The following DLC1 variants were observed in gnomAD, a reference collection of about 807,000 sequenced individuals.
DLC1 encodes DLC1 Rho GTPase activating protein.
DLC1 carries 54 observed loss-of-function variants against 140.3 expected under a neutral mutation model. The observed-to-expected ratio is 0.38, with a 90% CI of 0.31 to 0.48. The LOEUF is 0.48. Ranked by LOEUF, DLC1 falls within the 20% of genes least tolerant of loss-of-function variation. The pLI, the probability that DLC1 is intolerant of heterozygous loss-of-function variation, is 0.96. For synonymous variants in DLC1, 986 were observed against 728.1 expected, an observed-to-expected ratio of 1.35 and a Z score of -5.70; for missense variants, 2,536 against 1,907.0, an observed-to-expected ratio of 1.33 and a Z score of -6.14.
At chr8:13,459,549 T>C (rs1281386147) in intron 2 of DLC1, among the ~76,000 whole-genome samples, 1 of 152,232 alleles carries the variant, frequency 6.6e-6, no homozygotes, top group African/African-American at 2.4e-5. Flanking sequence ...TCTCTGTTCA[T>C]TGGAACTGCG....
Position 13,530,622 on chromosome 8 carries a change from C to G in DLC1, c.-125-30426G>C, listed in dbSNP as rs914587732. On this transcript the variant is annotated intron_variant, in intron 1 of 1. Coordinates refer to the DLC1 transcript ENST00000631382. ...TTAAACCATGAAACTCTGGGTGTAA[C>G]CTAACAGAACCTGGCAGGTTGTCTG... Among the ~76,000 whole-genome samples, 4 of 152,230 alleles carry G rather than the reference C, an allele frequency of 2.6e-5. No individual in the cohort carries two copies. The South Asian group carries it at 6.2e-4, about 24-fold the overall frequency.
At chr8:13,381,121 C>G (rs747025955) in intron 4 of DLC1, among the ~76,000 whole-genome samples, 3 of 152,008 alleles carry the variant, frequency 2.0e-5, no homozygotes, top group African/African-American at 4.8e-5. Flanking sequence ...TGGTAACAAG[C>G]CAGAGGAGGT....
chr8:13,239,440 G>C (rs1295843936), intron 5 of DLC1, among the ~76,000 whole-genome samples: 1 of 152,088 alleles, frequency 6.6e-6, no homozygotes, highest in African/African-American at 2.4e-5. Flanking sequence ...AGGCAAGCCT[G>C]GACTAGGGTT....
At chr8:13,447,231 C>G (rs2116950102) in intron 2 of DLC1, among the ~76,000 whole-genome samples, 1 of 152,252 alleles carries the variant, frequency 6.6e-6, no homozygotes, top group South Asian at 2.1e-4. Context: ...CCTTGGCAGT[C>G]TACTCATTTC....
chr8:13,162,560 C>T (rs537195467), intron 5 of DLC1, among the ~76,000 whole-genome samples: 33 of 152,242 alleles, frequency 2.2e-4, no homozygotes, highest in African/African-American at 7.5e-4. Context: ...TGACCTCAGG[C>T]GATCTCCCCG....
At chr8:13,412,041 T>C (rs1218855592) in intron 2 of DLC1, among the ~76,000 whole-genome samples, 2 of 152,132 alleles carry the variant, frequency 1.3e-5, no homozygotes, top group East Asian at 3.9e-4. Context: ...AAAGAAAAGA[T>C]TGATAAATGT....
chr8:13,212,875 T>C (rs1435368980), intron 5 of DLC1, among the ~76,000 whole-genome samples: 1 of 152,246 alleles, frequency 6.6e-6, no homozygotes, highest in African/African-American at 2.4e-5. Flanking sequence ...TGTTTGTTTC[T>C]AGCTTAAGCT....
At chr8:13,348,264 T>A (rs1834459409) in intron 4 of DLC1, among the ~76,000 whole-genome samples, 1 of 152,138 alleles carries the variant, frequency 6.6e-6, no homozygotes, top group African/African-American at 2.4e-5. Flanking sequence ...GGTTGAAGGT[T>A]GGGCATGAGA....
intron 1 of DLC1, among the ~76,000 whole-genome samples, chr8:13,576,548 T>C (rs141870528): frequency 6.6e-6 from 1 of 152,338 alleles, no homozygotes; most frequent in African/African-American, 2.4e-5. Flanking sequence ...CTTTTAACAT[T>C]GTGGGTTCTG....
chr8:13,160,680 T>G (rs1203270761), intron 5 of DLC1, among the ~76,000 whole-genome samples: 1 of 152,212 alleles, frequency 6.6e-6, no homozygotes, highest in Non-Finnish European at 1.5e-5. Flanking sequence ...AGCTCTATGT[T>G]AAAAGAGAGG....
At chr8:13,479,647 A>G (rs1800594131) in intron 2 of DLC1, among the ~76,000 whole-genome samples, 1 of 151,990 alleles carries the variant, frequency 6.6e-6, no homozygotes, top group African/African-American at 2.4e-5. Context: ...GAGAATTAAA[A>G]ACAAGCTACT....
chr8:13,324,286 C>T (rs904613705), intron 4 of DLC1, among the ~76,000 whole-genome samples: 10 of 152,248 alleles, frequency 6.6e-5, no homozygotes, highest in Middle Eastern at 3.4e-3. Context: ...TCTTTAAAAT[C>T]GGCCAGGCGT....
intron 2 of DLC1, among the ~76,000 whole-genome samples, chr8:13,451,145 GA>G (rs1372310508): frequency 6.8e-6 from 1 of 146,590 alleles, no homozygotes; most frequent in African/African-American, 2.5e-5. Flanking sequence ...AAATATGTTT[GA>G]AAAAACAAAG....
chr8:13,568,064 A>G (rs1804518286), intron 1 of DLC1: 6 of 1,204,112 alleles, frequency 5.0e-6, no homozygotes, highest in Non-Finnish European at 6.8e-6. Flanking sequence ...AGGACTAAGA[A>G]CTTTCACTTT....
intron 5 of DLC1, among the ~76,000 whole-genome samples, chr8:13,249,560 T>G (rs1273935091): frequency 1.3e-5 from 2 of 152,198 alleles, no homozygotes; most frequent in Non-Finnish European, 1.5e-5. Flanking sequence ...ACTTGTGCCT[T>G]TCACACAGTC....
chr8:13,577,903 C>T (rs1804901302), intron 1 of DLC1, among the ~76,000 whole-genome samples: 1 of 151,842 alleles, frequency 6.6e-6, no homozygotes, highest in South Asian at 2.1e-4. Context: ...TTAAGGAAGC[C>T]AGTTGATTAA....
chr8:13,416,439 A>G (rs1221185935), intron 2 of DLC1, among the ~76,000 whole-genome samples: 1 of 152,206 alleles, frequency 6.6e-6, no homozygotes, highest in Non-Finnish European at 1.5e-5. Context: ...CAAAACATAT[A>G]AAAGATATAT....
intron 4 of DLC1, 142 bp from the exon 5 acceptor site, chr8:13,305,444 G>C (rs1832381728): frequency 3.9e-6 from 3 of 764,562 alleles, no homozygotes; most frequent in Non-Finnish European, 6.1e-6. Flanking sequence ...GGAACTATCA[G>C]TAAAATCACT....
At chr8:13,106,833 A>G (rs1300153800) in intron 7 of DLC1, among the ~76,000 whole-genome samples, 1 of 152,222 alleles carries the variant, frequency 6.6e-6, no homozygotes, top group Non-Finnish European at 1.5e-5. Flanking sequence ...TTATAGAAGG[A>G]GTCATTTTTA....
Sources: gnomAD v4.1 joint callset for allele counts (sites outside exome capture counted in the v4.1 genomes callset) on GRCh38, gnomAD v4.1.1 for gene constraint, MANE v1.5 for transcripts, NCBI Gene and HGNC (gene_info 2026-07-23, HGNC 2026-07-21) for gene names.